Variants in HEPHL1 observed in about 807,000 individuals in gnomAD.
The protein encoded by HEPHL1 is ferroxidase HEPHL1.
In HEPHL1, 123 loss-of-function variants were observed where a neutral mutation model predicts 122.0. The observed-to-expected ratio is 1.01, with a 90% CI of 0.87 to 1.17. The LOEUF (loss-of-function observed/expected upper bound fraction) is 1.17. Among genes scored for constraint, HEPHL1 ranks in the 50% most tolerant of loss-of-function variants. The pLI is 0.00. For missense variants in HEPHL1, 1,452 were observed against 1,430.5 expected (o/e 1.01, Z -0.24); for synonymous variants, 527 against 508.9 (o/e 1.04, Z -0.48).
intron 17 of HEPHL1, among the ~76,000 whole-genome samples, chr11:94,110,644 A>C (rs1378554009): frequency 1.3e-5 from 2 of 152,236 alleles, no homozygotes; most frequent in African/African-American, 4.8e-5. Context: ...AAGGTTATGA[A>C]TACCAGGAGG....
chr11:94,046,059 C>A, intron 2 of HEPHL1, 142 bp downstream of exon 2: 1 of 317,746 alleles, frequency 3.1e-6, no homozygotes, highest in Non-Finnish European at 5.6e-6. Context: ...CCATCTCCAT[C>A]TATCTATTCT....
chr11:94,106,005 AT>A lies in HEPHL1; in HGVS notation c.2925del (p.Phe975LeufsTer8). ...SNRMHAINGKIFGNLHGLIMN... is the reference protein window; with the variant it reads ...SNRMHAINGKXFGNLHGLIMN... ...ACCTTTTAAAGCCATTAATGGAAAG[AT>A]TTTTGGGAATCTCCATGGCCTCATA... On this transcript the variant is annotated frameshift_variant, in exon 17 of 20. Transcript: ENST00000315765. LOFTEE classifies it high-confidence loss of function. The A allele has an allele frequency of 3.2e-6, 5 of 1,577,408 alleles. No homozygotes were observed. The highest frequency in any genetic ancestry group is 1.2e-5 in the South Asian group (1 of 84,110).
chr11:94,085,837 A>C, intron 10 of HEPHL1, 140 bp from the exon 11 acceptor site: 1 of 616,646 alleles, frequency 1.6e-6, no homozygotes, highest in Non-Finnish European at 2.9e-6. Flanking sequence ...TCTCCATTTT[A>C]AGTGGATTCA....
At chr11:94,036,999 C>A (rs968830679) in intron 1 of HEPHL1, among the ~76,000 whole-genome samples, 5 of 152,156 alleles carry the variant, frequency 3.3e-5, no homozygotes, top group African/African-American at 9.7e-5. Flanking sequence ...TGGGCGCAGG[C>A]CAGTGGGTGC....
chr11:94,053,728 G>T (rs1468220230), intron 2 of HEPHL1, among the ~76,000 whole-genome samples: 3 of 152,092 alleles, frequency 2.0e-5, no homozygotes, highest in Non-Finnish European at 4.4e-5. Flanking sequence ...TTACTTAGAA[G>T]TGTATCATTT....
chr11:94,086,314 C>T, intron 11 of HEPHL1, 125 bp downstream of exon 11: 2 of 696,912 alleles, frequency 2.9e-6, no homozygotes, highest in Non-Finnish European at 4.9e-6. Context: ...TAGATATAGT[C>T]TTGATTAGAA....
intron 2 of HEPHL1, among the ~76,000 whole-genome samples, chr11:94,046,251 G>A (rs12279295): frequency 0.04 from 5,967 of 150,860 alleles, 338 homozygotes; most frequent in African/African-American, 0.12. Context: ...GCACCATCAC[G>A]CCCAGCTAAT....
chr11:94,110,199 T>C (rs1946437414), intron 17 of HEPHL1, among the ~76,000 whole-genome samples: 1 of 152,204 alleles, frequency 6.6e-6, no homozygotes, highest in African/African-American at 2.4e-5. Context: ...ATGTGTCCTT[T>C]TCCCTTTTCC....
At chr11:94,055,092 C>A in intron 2 of HEPHL1, 1 of 178,944 alleles carries the variant, frequency 5.6e-6, no homozygotes, top group Non-Finnish European at 1.2e-5. Context: ...AGCATAAGAA[C>A]TGGTATGTAA....
At chr11:94,100,592 A>C (rs1946360503) in intron 13 of HEPHL1, among the ~76,000 whole-genome samples, 1 of 152,240 alleles carries the variant, frequency 6.6e-6, no homozygotes, top group Non-Finnish European at 1.5e-5. Context: ...TATTAATCAT[A>C]AATTAATACA....
At chr11:94,109,206 C>A (rs1034648168) in intron 17 of HEPHL1, among the ~76,000 whole-genome samples, 1 of 152,068 alleles carries the variant, frequency 6.6e-6, no homozygotes, top group Non-Finnish European at 1.5e-5. Context: ...TGCATGTTGA[C>A]CTTGCATCCT....
At chr11:94,024,940 T>C (rs1945611577) in intron 1 of HEPHL1, among the ~76,000 whole-genome samples, 1 of 152,172 alleles carries the variant, frequency 6.6e-6, no homozygotes, top group South Asian at 2.1e-4. Context: ...CCTTATCAAC[T>C]GAGTTGTTCT....
chr11:94,106,542 G>A (rs748878611), intron 17 of HEPHL1, among the ~76,000 whole-genome samples: 5 of 151,872 alleles, frequency 3.3e-5, no homozygotes, highest in East Asian at 1.9e-4. Flanking sequence ...TGATCTGCCC[G>A]CCTCGGCCTC....
chr11:94,098,630 C>G (rs1946339516), intron 13 of HEPHL1, among the ~76,000 whole-genome samples: 1 of 152,200 alleles, frequency 6.6e-6, no homozygotes, highest in African/African-American at 2.4e-5. Context: ...TTCCATTCTC[C>G]TCGTCACTTT....
intron 3 of HEPHL1, 82 bp from the exon 4 acceptor site, chr11:94,064,249 C>G: frequency 1.9e-6 from 2 of 1,073,342 alleles, no homozygotes; most frequent in Non-Finnish European, 2.7e-6. Context: ...CCAAACTTCA[C>G]ACTTGCCTGA....
At chr11:94,037,482 G>C (rs1267280892) in intron 1 of HEPHL1, among the ~76,000 whole-genome samples, 1 of 152,072 alleles carries the variant, frequency 6.6e-6, no homozygotes, top group South Asian at 2.1e-4. Context: ...TGACAGCTTT[G>C]AAGAGAGCAG....
intron 14 of HEPHL1, among the ~76,000 whole-genome samples, chr11:94,101,613 C>T (rs1452706398): frequency 1.3e-5 from 2 of 152,134 alleles, no homozygotes; most frequent in African/African-American, 4.8e-5. Context: ...CATCATTATC[C>T]CCTAAAGCCC....
At chr11:94,080,111 G>A (rs957293379) in intron 9 of HEPHL1, among the ~76,000 whole-genome samples, 1 of 152,114 alleles carries the variant, frequency 6.6e-6, no homozygotes, top group African/African-American at 2.4e-5. Flanking sequence ...TAGAGCAATT[G>A]AGCAAAATAG....
At chr11:94,046,011 C>T (rs1298543104) in intron 2 of HEPHL1, 94 bp downstream of exon 2, 2 of 964,324 alleles carry the variant, frequency 2.1e-6, no homozygotes, top group Admixed American at 2.5e-5. Context: ...ACATTGATTA[C>T]ATGGATATAT....
Sources: gnomAD v4.1 joint callset for allele counts (sites outside exome capture counted in the v4.1 genomes callset) on GRCh38, gnomAD v4.1.1 for gene constraint, MANE v1.5 for transcripts, NCBI Gene and HGNC (gene_info 2026-07-23, HGNC 2026-07-21) for gene names.